HSPA12A: variants seen among roughly 807,000 people sequenced by gnomAD.
The protein encoded by HSPA12A is heat shock protein family A (Hsp70) member 12A.
A neutral mutation model predicts 69.2 loss-of-function variants in HSPA12A; 28 were observed. That is an observed-to-expected ratio of 0.40 (90% CI 0.30 to 0.55). The LOEUF is 0.55. HSPA12A is among the 20% of genes least tolerant of loss of function. The pLI is 0.38. For missense variants in HSPA12A, 686 were observed against 900.7 expected, an observed-to-expected ratio of 0.76 and a Z score of 3.05; for synonymous variants, 345 against 370.5, an observed-to-expected ratio of 0.93 and a Z score of 0.79.
chr10:116,691,262 G>A (rs1432123975), intron 6 of HSPA12A, among the ~76,000 whole-genome samples: 5 of 152,150 alleles, frequency 3.3e-5, no homozygotes, highest in African/African-American at 7.2e-5. Flanking sequence ...TTGACTGCAC[G>A]CAAGTTGAAC....
rs182957592 is a variant in HSPA12A, at chr10:116,723,351, G to A, written c.41-16066C>T. Among the ~76,000 whole-genome samples, 7 of 152,264 alleles carry A rather than the reference G, an allele frequency of 4.6e-5. No homozygotes were observed. Among genetic ancestry groups the A allele is most frequent in the Admixed American group, 1.3e-4 (2 of 15,294 alleles). ...GAGAGAGGGGCCCGCTGACCTTCAC[G>A]TGGGAGGATTTGACCCTCATGCTGC... On this transcript the variant is annotated intron_variant, in intron 1 of 11. Coordinates refer to ENST00000369209, the MANE Select transcript of HSPA12A (RefSeq NM_025015.3). This position sits in a 1 kb window ranked among gnomAD's most constrained non-coding sequence, Gnocchi z 4.1.
chr10:116,816,110 T>C (rs1446095464), intron 2 of HSPA12A, among the ~76,000 whole-genome samples: 1 of 152,218 alleles, frequency 6.6e-6, no homozygotes, highest in Non-Finnish European at 1.5e-5. Flanking sequence ...GGAACTCGCA[T>C]GCTGGCCGCA....
intron 2 of HSPA12A, among the ~76,000 whole-genome samples, chr10:116,814,891 G>A (rs1845267763): frequency 6.6e-6 from 1 of 152,118 alleles, no homozygotes; most frequent in Non-Finnish European, 1.5e-5. Context: ...TATAAAGGGG[G>A]GAATAAGTTC....
chr10:116,740,358 CAAG>C (rs1851447583), intron 1 of HSPA12A, among the ~76,000 whole-genome samples: 1 of 152,114 alleles, frequency 6.6e-6, no homozygotes, highest in Admixed American at 6.5e-5. Context: ...GGGCCAGGGG[CAAG>C]CCAACTCTGC....
In HSPA12A at chr10:116,787,375, T is replaced by C. The variant is rs955452462; in HGVS notation, c.91+47560A>G. On this transcript the variant is annotated intron_variant, in intron 2 of 12. Coordinates refer to the HSPA12A transcript ENST00000635765. ...CCCACTGCTCCTAATAAGCACAAGA[T>C]TGGAAAGTGCCCAAATGTCAAATCA... is the stretch of plus-strand genomic sequence containing the variant. 1.2e-4 allele frequency among the ~76,000 whole-genome samples: 17 copies of C among 147,548 alleles called. No homozygotes were observed. In the Admixed American group the frequency reaches 1.2e-3, roughly 10 times the overall value.
rs781997174 is a variant in HSPA12A at position 116,683,945 on chromosome 10, G to A, written c.681C>T (p.Pro227=). The A allele has an allele frequency of 1.5e-5, 24 of 1,578,308 alleles. No individual in the cohort carries two copies. The highest frequency in any genetic ancestry group is 3.4e-5 in the Admixed American group (2 of 59,218). The change falls in exon 7 of 12, where the codon CCC becomes CCT. Residue 227 remains proline, a synonymous_variant. Transcript: ENST00000369209. ...CAATGATGAGCTGCTCCGAGTTCTC[G>A]GGGGAGGCCAGGCCTGCCTGGAAGA... ...QAAYQAGLAS[P]ENSEQLIIAL...
At chr10:116,769,686 T>C (rs539259386) in intron 2 of HSPA12A, among the ~76,000 whole-genome samples, 1 of 152,246 alleles carries the variant, frequency 6.6e-6, no homozygotes, top group Non-Finnish European at 1.5e-5. Context: ...GTTTAGGCAA[T>C]AGAGCTCAAT....
chr10:116,850,346 C>CT (rs1213644141), upstream of HSPA12A: 2 of 155,706 alleles, frequency 1.3e-5, no homozygotes, highest in African/African-American at 4.8e-5. Context: ...ATTGTAGTCT[C>CT]TTGAGGCAGC....
upstream of HSPA12A, among the ~76,000 whole-genome samples, chr10:116,743,253 A>C (rs1851573683): frequency 6.6e-6 from 1 of 152,202 alleles, no homozygotes; most frequent in Non-Finnish European, 1.5e-5. Flanking sequence ...TAACGATATT[A>C]ATAATGCAAG....
intron 1 of HSPA12A, among the ~76,000 whole-genome samples, 174 bp downstream of exon 1, chr10:116,742,249 ACCGGACC>A (rs1263404700): frequency 1.6e-4 from 24 of 151,654 alleles, no homozygotes; most frequent in African/African-American, 5.3e-4. Flanking sequence ...TCTCCGGTCC[ACCGGACC>A]CCGGCCCCCG....
chr10:116,749,335 T>C (rs1307593447), intron 2 of HSPA12A, among the ~76,000 whole-genome samples: 1 of 152,202 alleles, frequency 6.6e-6, no homozygotes. Flanking sequence ...TGGGCATTGC[T>C]CTGGGAACCT....
At chr10:116,711,899 G>A (rs148839838) in intron 1 of HSPA12A, among the ~76,000 whole-genome samples, 102 of 151,902 alleles carry the variant, frequency 6.7e-4, no homozygotes, top group African/African-American at 2.2e-3. Flanking sequence ...GTGTTAGCCA[G>A]GATGGTCTCG....
intron 2 of HSPA12A, among the ~76,000 whole-genome samples, chr10:116,797,612 A>T (rs1190979818): frequency 2.0e-5 from 3 of 152,192 alleles, no homozygotes; most frequent in Non-Finnish European, 4.4e-5. Context: ...AGAAGAAACA[A>T]AATAAGCTGT....
At chr10:116,731,934 C>T (rs782801628) in intron 1 of HSPA12A, among the ~76,000 whole-genome samples, 1 of 152,226 alleles carries the variant, frequency 6.6e-6, no homozygotes, top group Non-Finnish European at 1.5e-5. Flanking sequence ...TTCATTTCAA[C>T]ATGGGGGTCA....
At chr10:116,782,578 G>C (rs1272919740) in intron 2 of HSPA12A, among the ~76,000 whole-genome samples, 1 of 152,178 alleles carries the variant, frequency 6.6e-6, no homozygotes, top group Admixed American at 6.5e-5. Flanking sequence ...TTGTAATGTG[G>C]AGCAAAAGAA....
intron 2 of HSPA12A, among the ~76,000 whole-genome samples, chr10:116,706,357 C>T (rs1850248850): frequency 6.6e-6 from 1 of 152,128 alleles, no homozygotes. Flanking sequence ...TACAGGACAA[C>T]TTCAGGGTGC....
intron 4 of HSPA12A, among the ~76,000 whole-genome samples, 163 bp from the exon 5 acceptor site, chr10:116,698,902 G>A (rs1849997950): frequency 1.3e-5 from 2 of 152,056 alleles, no homozygotes; most frequent in African/African-American, 4.8e-5. Context: ...CCCAAAATGG[G>A]GGCTGGCAGC....
chr10:116,780,594 T>G (rs1003747695), intron 2 of HSPA12A, among the ~76,000 whole-genome samples: 1 of 152,096 alleles, frequency 6.6e-6, no homozygotes, highest in Non-Finnish European at 1.5e-5. Flanking sequence ...TTACCCAGAC[T>G]GGAAAATAAT....
At chr10:116,731,201 C>A (rs577639655) in intron 1 of HSPA12A, among the ~76,000 whole-genome samples, 1 of 152,310 alleles carries the variant, frequency 6.6e-6, no homozygotes, top group Non-Finnish European at 1.5e-5. Context: ...TGGCTCTTGG[C>A]AGAATGTCTG....
Sources: gnomAD v4.1 joint callset for allele counts (sites outside exome capture counted in the v4.1 genomes callset) on GRCh38, gnomAD v4.1.1 for gene constraint, Gnocchi (gnomAD v3.1) non-coding constraint, MANE v1.5 for transcripts, NCBI Gene and HGNC (gene_info 2026-07-23, HGNC 2026-07-21) for gene names.